ZKSCAN2: variants seen among roughly 807,000 people sequenced by gnomAD.
ZKSCAN2 encodes zinc finger with KRAB and SCAN domains 2.
In ZKSCAN2, 38 loss-of-function variants were observed where a neutral mutation model predicts 90.5. The observed-to-expected ratio is 0.42, with a 90% CI of 0.32 to 0.55. The LOEUF (loss-of-function observed/expected upper bound fraction) is 0.55, where lower values mean the gene tolerates loss of function less well. ZKSCAN2 is among the 20% of genes least tolerant of loss of function. The pLI is 0.11. For missense variants in ZKSCAN2, 1,167 were observed against 1,202.6 expected, an observed-to-expected ratio of 0.97 and a Z score of 0.44; for synonymous variants, 429 against 421.6, an observed-to-expected ratio of 1.02 and a Z score of -0.22.
At position 25,257,542 on chromosome 16, in the gene ZKSCAN2, G is replaced by T; in HGVS notation, c.-415C>A. 1 of 985,442 alleles carries T rather than the reference G, an allele frequency of 1.0e-6. No homozygotes were observed. The highest frequency in any genetic ancestry group is 1.2e-6 in the Non-Finnish European group (1 of 829,530). The allele number at this position is 985,442 out of a possible 1,614,324, so 61.0% of individuals were successfully genotyped here. A position where few individuals can be genotyped will look rare whatever the true frequency, so the allele number is the denominator to read the frequency against. Reference sequence around the variant, plus strand: ...GGCGCGGAGAGGCGAGTCCCCGAGTGGGTGGGGCCGGATGTGCAGGCCCCG... The same window carrying T: ...GGCGCGGAGAGGCGAGTCCCCGAGTTGGTGGGGCCGGATGTGCAGGCCCCG... On this transcript the variant is annotated 5_prime_UTR_variant, in exon 1 of 7. Coordinates refer to ENST00000328086, the MANE Select transcript of ZKSCAN2 (RefSeq NM_001012981.5).
rs1963027631 is a variant in ZKSCAN2, at chr16:25,251,980, T to C, written c.734A>G (p.His245Arg). Reference sequence around the variant, plus strand: ...GAGGTCCCTTTGGGCAGGAATCTGATGCACACTCTTTCTGTAGGAAAAGCC... The same window carrying C: ...GAGGTCCCTTTGGGCAGGAATCTGACGCACACTCTTTCTGTAGGAAAAGCC... ...ARGFSYRKSV[H>R]QIPAQRDLYR... The change falls in exon 4 of 7, where the codon CAT becomes CGT. Residue 245 changes from histidine to arginine, a missense_variant. By Grantham distance (29) the His-to-Arg change is conservative. Coordinates refer to ENST00000328086, the MANE Select transcript of ZKSCAN2 (RefSeq NM_001012981.5). 1 of 1,614,080 alleles carries C rather than the reference T, an allele frequency of 6.2e-7. No homozygotes were observed. Among genetic ancestry groups the C allele is most frequent in the Non-Finnish European group, 8.5e-7 (1 of 1,179,984 alleles).
chr16:25,247,564 C>A (rs1454703887), intron 4 of ZKSCAN2, among the ~76,000 whole-genome samples, 174 bp from the exon 5 acceptor site: 1 of 152,208 alleles, frequency 6.6e-6, no homozygotes, highest in Non-Finnish European at 1.5e-5. Flanking sequence ...TACTAACTTA[C>A]ACGATCATTT....
chr16:25,246,550 A>G (rs1332340828), intron 5 of ZKSCAN2, 157 bp downstream of exon 5: 2 of 725,098 alleles, frequency 2.8e-6, no homozygotes, highest in Non-Finnish European at 4.6e-6. Context: ...GGCAGCAGCA[A>G]GCACCTGAGA....
rs1482343710 is a variant in ZKSCAN2, at chr16:25,240,037, T to A, written c.2683A>T (p.Ser895Cys). The change falls in exon 7 of 7, where the codon AGT becomes TGT. Residue 895 changes from serine to cysteine, a missense_variant. Ser to Cys is a moderately radical substitution (Grantham distance 112). Coordinates refer to ENST00000328086, the MANE Select transcript of ZKSCAN2 (RefSeq NM_001012981.5). Reference sequence around the variant, plus strand: ...CGAAATCTCGTACAGTTATTGAAACTTTTTTCACAGTCCACACATTTGTAG... The same window carrying A: ...CGAAATCTCGTACAGTTATTGAAACATTTTTCACAGTCCACACATTTGTAG... ...NPYKCVDCEKSFNNCTRFREH... is the reference protein window; with the variant it reads ...NPYKCVDCEKCFNNCTRFREH... The A allele has an allele frequency of 2.5e-6, 4 of 1,613,798 alleles. No homozygotes were observed. In the Admixed American group the frequency reaches 6.7e-5, roughly 27 times the overall value.
chr16:25,252,320 A>G (rs1162557274), intron 3 of ZKSCAN2, among the ~76,000 whole-genome samples: 1 of 152,212 alleles, frequency 6.6e-6, no homozygotes, highest in Non-Finnish European at 1.5e-5. Flanking sequence ...GTGTATTTAC[A>G]GTAAGTAAAG....
At position 25,240,082 on chromosome 16, in the gene ZKSCAN2, C is replaced by T; in HGVS notation, c.2638G>A (p.Val880Ile). 4.3e-6 allele frequency: 7 copies of T among 1,614,008 alleles called. No individual in the cohort carries two copies. The highest frequency in any genetic ancestry group is 5.9e-6 in the Non-Finnish European group (7 of 1,180,006). The part of the protein sequence containing the change: ...NSSHFSAHRR[V>I]HTGENPYKCV... ...TTGTAGGGATTCTCCCCAGTGTGAACTCTCCGGTGGGCGCTGAAATGAGAA... is the reference window on the plus strand; with the variant it reads ...TTGTAGGGATTCTCCCCAGTGTGAATTCTCCGGTGGGCGCTGAAATGAGAA... The change falls in exon 7 of 7, where the codon GTT (valine) becomes ATT (isoleucine). Residue 880 changes from valine (V) to isoleucine (I), a missense_variant. By Grantham distance (29) the Val-to-Ile change is conservative. Coordinates refer to ENST00000328086, the MANE Select transcript of ZKSCAN2 (RefSeq NM_001012981.5).
intron 2 of ZKSCAN2, among the ~76,000 whole-genome samples, chr16:25,254,089 T>TA (rs543503709): frequency 1.3e-5 from 2 of 152,154 alleles, no homozygotes; most frequent in Admixed American, 6.5e-5. Flanking sequence ...GCCACATAGA[T>TA]AAAAAAATGG....
At chr16:25,256,604 A>AAGG in intron 1 of ZKSCAN2, 125 bp downstream of exon 1, 1 of 1,035,120 alleles carries the variant, frequency 9.7e-7, no homozygotes. Context: ...ACCCCCTTAT[A>AAGG]GGGTCTTTTA....
Position 25,255,363 on chromosome 16 carries a change from G to C in ZKSCAN2, c.429C>G (p.His143Gln), listed in dbSNP as rs768530095. The C allele has an allele frequency of 2.7e-5, 43 of 1,612,718 alleles. No individual in the cohort carries two copies. Among genetic ancestry groups the C allele is most frequent in the Admixed American group, 5.0e-5 (3 of 59,926 alleles). Residue 143 changes from histidine to glutamine, a missense_variant, in exon 2 of 7, where the codon CAC (histidine) becomes CAG (glutamine). By Grantham distance (24) the His-to-Gln change is conservative. Transcript: ENST00000328086. The part of the protein sequence containing the change: ...QVSSPVHREK[H>Q]SPLGAAWEVA... ...CCTCCCACGCTGCTCCAAGTGGGGAGTGCTTCTCCCGGTGCACGGGACTGC... is the reference window on the plus strand; with the variant it reads ...CCTCCCACGCTGCTCCAAGTGGGGACTGCTTCTCCCGGTGCACGGGACTGC...
chr16:25,244,106 A>G lies in ZKSCAN2; in HGVS notation c.1660T>C (p.Phe554Leu). 1 of 1,614,062 alleles carries G rather than the reference A, an allele frequency of 6.2e-7. No individual in the cohort carries two copies. The highest frequency in any genetic ancestry group is 8.5e-7 in the Non-Finnish European group (1 of 1,179,994). The change falls in exon 6 of 7, where the codon TTC (phenylalanine) becomes CTC (leucine). Residue 554 changes from phenylalanine to leucine, a missense_variant. Coordinates refer to ENST00000328086, the MANE Select transcript of ZKSCAN2 (RefSeq NM_001012981.5). ...CGGTAACTCTTCTGAAGGCTTTTGA[A>G]CTTGGTTCGGCACTGTTCTGGTGTC... is the stretch of plus-strand genomic sequence containing the variant. The part of the protein sequence containing the change: ...LRTPEQCRTK[F>L]KSLQKSYRKV...
In ZKSCAN2 at chr16:25,257,099, T is replaced by C. The variant is rs1203354517; in HGVS notation, c.29A>G (p.Asp10Gly). ...GCATCCCTCAACCTCCAGGGGCGCGTCGATCTGAGAGTCGAGGGCGACAGC... is the reference window on the plus strand; with the variant it reads ...GCATCCCTCAACCTCCAGGGGCGCGCCGATCTGAGAGTCGAGGGCGACAGC... MAVALDSQI[D>G]APLEVEGCLI... The change falls in exon 1 of 7, where the codon GAC becomes GGC. Residue 10 changes from aspartate to glycine, a missense_variant. Physicochemically the swap from Asp to Gly is moderately conservative, Grantham distance 94. Transcript: ENST00000328086. 9 of 1,608,804 alleles carry C rather than the reference T, an allele frequency of 5.6e-6. No homozygotes were observed. The highest frequency in any genetic ancestry group is 7.6e-6 in the Non-Finnish European group (9 of 1,176,846).
intron 4 of ZKSCAN2, 72 bp downstream of exon 4, chr16:25,251,836 AT>A (rs1365615179): frequency 6.5e-7 from 1 of 1,527,310 alleles, no homozygotes; most frequent in Admixed American, 1.9e-5. Context: ...CTATCTGCCT[AT>A]CTTCTAATCA....
At chr16:25,246,600 A>G in intron 5 of ZKSCAN2, 107 bp downstream of exon 5, 2 of 1,090,444 alleles carry the variant, frequency 1.8e-6, no homozygotes, top group Non-Finnish European at 2.8e-6. Flanking sequence ...GAAAGTGGTG[A>G]GGTGTGTGTG....
At chr16:25,244,514 A>AC (rs1156442877) in intron 5 of ZKSCAN2, among the ~76,000 whole-genome samples, 6 of 152,372 alleles carry the variant, frequency 3.9e-5, no homozygotes, top group Admixed American at 3.9e-4. Context: ...CTCAAGGTGT[A>AC]CAGATATCAT....
rs1194998538 is a variant in ZKSCAN2 at position 25,236,905 on chromosome 16, C to T, written c.*2911G>A. ...CAAAAACAGGATTTGACACAATTTA[C>T]AAGGAAATAAGATGAAATTAAATAA... On this transcript the variant is annotated 3_prime_UTR_variant, in exon 7 of 7. Transcript: ENST00000328086. The T allele has an allele frequency of 6.6e-6, 1 of 152,488 alleles. No individual in the cohort carries two copies. The highest frequency in any genetic ancestry group is 1.9e-4 in the East Asian group (1 of 5,190). 9.4% of individuals were successfully genotyped at this position (152,488 alleles called of 1,614,324 possible).
At chr16:25,246,518 C>A in intron 5 of ZKSCAN2, 189 bp downstream of exon 5, 1 of 623,384 alleles carries the variant, frequency 1.6e-6, no homozygotes, top group South Asian at 1.9e-5. Flanking sequence ...CCACTTGGAG[C>A]TGTTACTCTG....
chr16:25,257,604 C>G lies in ZKSCAN2; in HGVS notation c.-477G>C. 1 of 746,766 alleles carries G rather than the reference C, an allele frequency of 1.3e-6. No individual in the cohort carries two copies. Among genetic ancestry groups the G allele is most frequent in the South Asian group, 6.1e-5 (1 of 16,488 alleles). The allele number at this position is 746,766 out of a possible 1,614,324, so 46.3% of individuals were successfully genotyped here. On this transcript the variant is annotated 5_prime_UTR_variant, in exon 1 of 7. Transcript: ENST00000328086. ...GTTCCGGGCTCGGGTCACCGCAGCA[C>G]GTCCAGGCCGCCGCGGGTGCCGCTG... is the stretch of plus-strand genomic sequence containing the variant.
intron 6 of ZKSCAN2, among the ~76,000 whole-genome samples, chr16:25,242,593 A>C (rs367839147): frequency 6.6e-6 from 1 of 152,188 alleles, no homozygotes; most frequent in African/African-American, 2.4e-5. Context: ...GAATTTGGAC[A>C]TGGAGATATG....
At chr16:25,254,813 A>C (rs1370059396) in intron 2 of ZKSCAN2, among the ~76,000 whole-genome samples, 1 of 141,238 alleles carries the variant, frequency 7.1e-6, no homozygotes, top group Non-Finnish European at 1.5e-5. Flanking sequence ...TTTTTTTTTG[A>C]GACAGGGTCT....
Sources: gnomAD v4.1 joint callset for allele counts (sites outside exome capture counted in the v4.1 genomes callset) on GRCh38, gnomAD v4.1.1 for gene constraint, MANE v1.5 for transcripts, NCBI Gene and HGNC (gene_info 2026-07-23, HGNC 2026-07-21) for gene names.